The following COLEC10 variants were observed in gnomAD, a reference collection of about 807,000 sequenced individuals.
COLEC10 encodes the protein collectin subfamily member 10.
Under a neutral mutation model 28.4 loss-of-function variants are expected in COLEC10, and 22 were observed. That is an observed-to-expected ratio of 0.78 (90% confidence interval 0.55 to 1.11). The LOEUF (loss-of-function observed/expected upper bound fraction) is 1.11, where lower values mean the gene tolerates loss of function less well. COLEC10 is among the 50% of genes least tolerant of loss of function. The probability of loss-of-function intolerance (pLI) is 0.00; values close to 1 mark genes in which losing one functional copy is unlikely to be tolerated. For synonymous variants in COLEC10, 125 were observed against 116.1 expected (o/e 1.08, Z -0.49); for missense variants, 361 against 344.1 (o/e 1.05, Z -0.39).
intron 2 of COLEC10, among the ~76,000 whole-genome samples, chr8:119,030,509 T>A (rs1814268882): frequency 6.6e-6 from 1 of 151,962 alleles, no homozygotes; most frequent in South Asian, 2.1e-4. Context: ...ACTAAAAGTG[T>A]GTTAGTACTT....
chr8:119,031,314 C>A (rs1360923957), intron 2 of COLEC10, among the ~76,000 whole-genome samples: 2 of 152,162 alleles, frequency 1.3e-5, no homozygotes, highest in Non-Finnish European at 2.9e-5. Flanking sequence ...AAGAACACAT[C>A]AACCCTCTGG....
At chr8:119,083,180 T>C (rs554783411) in intron 1 of COLEC10, among the ~76,000 whole-genome samples, 1 of 152,294 alleles carries the variant, frequency 6.6e-6, no homozygotes, top group East Asian at 1.9e-4. Flanking sequence ...GTCCAGCTGC[T>C]CAAGTCACGT....
upstream of COLEC10, among the ~76,000 whole-genome samples, chr8:119,065,992 C>T (rs747300170): frequency 4.6e-5 from 7 of 152,210 alleles, no homozygotes; most frequent in Non-Finnish European, 4.4e-5. Flanking sequence ...AGGGTTGGCA[C>T]TGGTTTTAGC....
chr8:119,022,764 A>C (rs900258351), intron 2 of COLEC10, among the ~76,000 whole-genome samples: 1 of 152,036 alleles, frequency 6.6e-6, no homozygotes, highest in South Asian at 2.1e-4. Context: ...TAGTCACAGT[A>C]ATCCTTTTAA....
intron 2 of COLEC10, among the ~76,000 whole-genome samples, chr8:119,019,058 G>A (rs916043252): frequency 3.3e-5 from 5 of 152,194 alleles, no homozygotes; most frequent in South Asian, 4.2e-4. Flanking sequence ...GCAGTTACCC[G>A]CATCCAACAA....
the COLEC10 span, among the ~76,000 whole-genome samples, chr8:118,980,255 AACGGGGCC>A: frequency 3.4e-5 from 5 of 148,472 alleles, no homozygotes; most frequent in African/African-American, 1.2e-4. Context: ...GCTGGTTTGC[AACGGGGCC>A]ATCTCAGCTC....
At chr8:119,000,898 C>T (rs964486110) in intron 1 of COLEC10, among the ~76,000 whole-genome samples, 3 of 146,008 alleles carry the variant, frequency 2.1e-5, no homozygotes, top group African/African-American at 7.7e-5. Flanking sequence ...GACAGTGGGC[C>T]TGATGATAAA....
At chr8:119,098,900 C>T (rs1815769963) in intron 3 of COLEC10, among the ~76,000 whole-genome samples, 1 of 151,918 alleles carries the variant, frequency 6.6e-6, no homozygotes, top group African/African-American at 2.4e-5. Flanking sequence ...ATTTATTGTC[C>T]TCATTTTGGT....
intron 1 of COLEC10, among the ~76,000 whole-genome samples, chr8:119,081,090 T>C (rs1815358150): frequency 1.3e-5 from 2 of 152,186 alleles, no homozygotes; most frequent in Admixed American, 1.3e-4. Context: ...TTGTTTTTAC[T>C]GTTACTCCTA....
At chr8:119,034,877 A>G (rs1814358919) in intron 2 of COLEC10, among the ~76,000 whole-genome samples, 1 of 152,220 alleles carries the variant, frequency 6.6e-6, no homozygotes, top group African/African-American at 2.4e-5. Context: ...TCTTTATTTC[A>G]TAGGGTTGTC....
intron 3 of COLEC10, 126 bp from the exon 4 acceptor site, chr8:119,102,221 TC>T (rs1815844380): frequency 3.6e-5 from 6 of 169,006 alleles, no homozygotes; most frequent in Admixed American, 1.7e-4. Context: ...CCTCCCTCCC[TC>T]CCTCCCTCCC....
chr8:118,985,420 T>C, the COLEC10 span, among the ~76,000 whole-genome samples: 1 of 152,250 alleles, frequency 6.6e-6, no homozygotes, highest in South Asian at 2.1e-4. Flanking sequence ...CTAGTTTCTA[T>C]TGTGCAGGAG....
At chr8:119,041,204 C>T (rs1814488029) in intron 2 of COLEC10, among the ~76,000 whole-genome samples, 1 of 152,104 alleles carries the variant, frequency 6.6e-6, no homozygotes, top group Non-Finnish European at 1.5e-5. Flanking sequence ...GCTAGTGCTG[C>T]ATGTACTGCC....
chr8:119,074,309 A>T (rs1815182592), intron 1 of COLEC10, among the ~76,000 whole-genome samples: 1 of 152,188 alleles, frequency 6.6e-6, no homozygotes, highest in South Asian at 2.1e-4. Context: ...TTGTAACACA[A>T]AGGATAAATG....
chr8:119,095,198 T>C (rs190384938), intron 3 of COLEC10, among the ~76,000 whole-genome samples: 48 of 152,200 alleles, frequency 3.2e-4, no homozygotes, highest in South Asian at 6.2e-4. Context: ...AAGAGACCAT[T>C]TATAATAGTG....
the COLEC10 span, among the ~76,000 whole-genome samples, chr8:118,974,342 CT>C: frequency 1.3e-5 from 2 of 151,866 alleles, no homozygotes; most frequent in East Asian, 3.9e-4. Context: ...AATGTAAGCA[CT>C]TAAGAAGTAG....
intron 1 of COLEC10, among the ~76,000 whole-genome samples, chr8:118,996,619 C>A (rs79557458): frequency 0.039 from 5,986 of 152,202 alleles, 181 homozygotes; most frequent in East Asian, 0.16. Context: ...TGACGTTGGG[C>A]ATCTTTTCAT....
intron 2 of COLEC10, among the ~76,000 whole-genome samples, chr8:119,019,701 A>G (rs1440165271): frequency 1.3e-5 from 2 of 152,118 alleles, no homozygotes; most frequent in Non-Finnish European, 2.9e-5. Context: ...TTCCACAGCA[A>G]TTGCATTTTT....
chr8:119,008,649 T>C (rs1387202213), intron 1 of COLEC10, among the ~76,000 whole-genome samples: 1 of 150,436 alleles, frequency 6.6e-6, no homozygotes, highest in African/African-American at 2.5e-5. Context: ...CCTCATGGAA[T>C]ACATTAAAGC....
Sources: gnomAD v4.1 joint callset for allele counts (sites outside exome capture counted in the v4.1 genomes callset) on GRCh38, gnomAD v4.1.1 for gene constraint, MANE v1.5 for transcripts, NCBI Gene and HGNC (gene_info 2026-07-23, HGNC 2026-07-21) for gene names.